ZNF280A: variants seen among roughly 807,000 people sequenced by gnomAD.
ZNF280A encodes the protein suppressor of hairy wing homolog 1.
In ZNF280A, 26 loss-of-function variants were observed where a neutral mutation model predicts 35.9. The observed-to-expected ratio is 0.72, with a 90% CI of 0.53 to 1.01. The LOEUF (loss-of-function observed/expected upper bound fraction) is 1.01, where lower values mean the gene tolerates loss of function less well. Ranked by LOEUF, ZNF280A falls within the 50% of genes least tolerant of loss-of-function variation. ZNF280A has a pLI of 0.00. For synonymous variants in ZNF280A, 231 were observed against 232.9 expected (o/e 0.99, Z 0.07); for missense variants, 654 against 652.0 (o/e 1.00, Z -0.03).
chr22:22,518,161 G>A (rs1358927131), intron 1 of ZNF280A, among the ~76,000 whole-genome samples: 5 of 151,808 alleles, frequency 3.3e-5, no homozygotes, highest in East Asian at 2.0e-4. Context: ...TCCTGACCTC[G>A]TGATCCGCCC....
intron 1 of ZNF280A, among the ~76,000 whole-genome samples, chr22:22,518,905 T>TGTCC (rs934441286): frequency 1.6e-4 from 24 of 151,982 alleles, no homozygotes; most frequent in African/African-American, 5.6e-4. Flanking sequence ...TTAGTGCTGT[T>TGTCC]GTCCATGGCT....
intron 1 of ZNF280A, among the ~76,000 whole-genome samples, chr22:22,516,886 C>G (rs959574401): frequency 6.6e-6 from 1 of 151,910 alleles, no homozygotes; most frequent in Non-Finnish European, 1.5e-5. Flanking sequence ...CCCATGGTTC[C>G]TCTTCAGCAA....
chr22:22,518,099 G>A (rs1248335378), intron 1 of ZNF280A, among the ~76,000 whole-genome samples: 1 of 151,684 alleles, frequency 6.6e-6, no homozygotes, highest in Non-Finnish European at 1.5e-5. Flanking sequence ...CTAATTTTTT[G>A]TATTTTTAGT....
chr22:22,515,514 A>C lies in ZNF280A; in HGVS notation c.117T>G (p.His39Gln). The C allele has an allele frequency of 6.2e-7, 1 of 1,613,882 alleles. No individual in the cohort carries two copies. Among genetic ancestry groups the C allele is most frequent in the Non-Finnish European group, 8.5e-7 (1 of 1,179,972 alleles). The change falls in exon 2 of 2, where the codon CAT (histidine) becomes CAG (glutamine). Residue 39 changes from histidine (H) to glutamine (Q), a missense_variant. Transcript: ENST00000302097. Reference sequence around the variant, plus strand: ...AGAGAACTTCAGCATCTCTATGTACATGCTCCACCCCAACATAGATCAGAT... The same window carrying C: ...AGAGAACTTCAGCATCTCTATGTACCTGCTCCACCCCAACATAGATCAGAT... ...DPDLIYVGVEHVHRDAEVLFV... is the reference protein window; with the variant it reads ...DPDLIYVGVEQVHRDAEVLFV...
chr22:22,514,852 C>T lies in ZNF280A; in HGVS notation c.779G>A (p.Ser260Asn). 6 of 1,613,886 alleles carry T rather than the reference C, an allele frequency of 3.7e-6. No homozygotes were observed. The highest frequency in any genetic ancestry group is 5.1e-6 in the Non-Finnish European group (6 of 1,179,990). The change falls in exon 2 of 2, where the codon AGT becomes AAT. Residue 260 changes from serine to asparagine, a missense_variant. Transcript: ENST00000302097. ...CTTGGGATCAAAGGTCTTGTTTTGACTTGCTAGACTTGAAATGTCTGTCAT... is the reference window on the plus strand; with the variant it reads ...CTTGGGATCAAAGGTCTTGTTTTGATTTGCTAGACTTGAAATGTCTGTCAT... ...LAMTDISSLA[S>N]QNKTFDPKKE...
In ZNF280A at chr22:22,514,946, G is replaced by T. The variant is rs141676669; in HGVS notation, c.685C>A (p.Pro229Thr). The change falls in exon 2 of 2, where the codon CCT (proline) becomes ACT (threonine). Residue 229 changes from proline (P) to threonine (T), a missense_variant. Coordinates refer to ENST00000302097, the MANE Select transcript of ZNF280A (RefSeq NM_080740.5). ...HVQNGVTFPW[P>T]DANGKAHFNL... ...AAATGTGCCTTTCCATTAGCATCAG[G>T]CCAAGGAAATGTTACTCCATTCTGA... 8.7e-6 allele frequency: 14 copies of T among 1,613,734 alleles called. No homozygotes were observed. In the African/African-American group the frequency reaches 1.9e-4, roughly 22 times the overall value.
chr22:22,518,222 GC>G (rs1460142412), intron 1 of ZNF280A, among the ~76,000 whole-genome samples: 1 of 151,686 alleles, frequency 6.6e-6, no homozygotes, highest in Admixed American at 6.6e-5. Context: ...ACTGTGCCCG[GC>G]CAATTGATGG....
chr22:22,514,529 T>C lies in ZNF280A; in HGVS notation c.1102A>G (p.Ile368Val), dbSNP rs571608171. The C allele has an allele frequency of 1.2e-6, 2 of 1,613,914 alleles. No individual in the cohort carries two copies. The highest frequency in any genetic ancestry group is 2.2e-5 in the South Asian group (2 of 91,076). The change falls in exon 2 of 2, where the codon ATC (isoleucine) becomes GTC (valine). Residue 368 changes from isoleucine to valine, a missense_variant. Coordinates refer to ENST00000302097, the MANE Select transcript of ZNF280A (RefSeq NM_080740.5). ...IAMGPSAVCK[I>V]CELSFETDQV... ...TCTGTTTCAAATGACAATTCACAGA[T>C]TTTACAGACAGCAGAGGGCCCCATG...
chr22:22,518,376 GT>G (rs1465694771), intron 1 of ZNF280A, among the ~76,000 whole-genome samples: 1 of 151,820 alleles, frequency 6.6e-6, no homozygotes, highest in African/African-American at 2.4e-5. Flanking sequence ...CCCTTCCCCT[GT>G]TTTTGTACAG....
intron 1 of ZNF280A, 109 bp downstream of exon 1, chr22:22,519,980 C>T (rs2062121418): frequency 6.6e-6 from 1 of 152,046 alleles, no homozygotes; most frequent in Non-Finnish European, 1.5e-5. Flanking sequence ...GTAGTTGAAG[C>T]AGAGAATTGC....
rs361580 is a variant in ZNF280A at position 22,515,221 on chromosome 22, G to T, written c.410C>A (p.Ser137Tyr). 560,182 of 1,612,924 alleles carry T rather than the reference G, an allele frequency of 0.35. 106,114 individuals are homozygous for T. The highest frequency in any genetic ancestry group is 0.7 in the African/African-American group (52,364 of 74,598). ...MSSPQVVSPS[S>Y]SDSLPPGTQC... ...AGTCCCTGGGGGGAGCGAGTCTGAG[G>T]AACTGGGAGAAACAACTTGTGGTGA... The change falls in exon 2 of 2, where the codon TCC becomes TAC. Residue 137 changes from serine to tyrosine, a missense_variant. Ser to Tyr is a moderately radical substitution (Grantham distance 144, BLOSUM62 -2). Transcript: ENST00000302097.
Position 22,515,563 on chromosome 22 carries a change from CTTTG to C in ZNF280A, c.64_67del (p.Gln22GlyfsTer10), listed in dbSNP as rs747244755. 8 of 1,611,894 alleles carry C rather than the reference CTTTG, an allele frequency of 5.0e-6. No homozygotes were observed. The East Asian group carries it at 1.3e-4, about 27-fold the overall frequency. On this transcript the variant is annotated frameshift_variant, in exon 2 of 2. Coordinates refer to ENST00000302097, the MANE Select transcript of ZNF280A (RefSeq NM_080740.5). LOFTEE classifies it high-confidence loss of function. ...ATCTGGATCTTCATCATCCTCCTCCCTTTGTTTGGATTCTCTCAAATTCTTCTTT... is the reference window on the plus strand; with the variant it reads ...ATCTGGATCTTCATCATCCTCCTCCCTTTGGATTCTCTCAAATTCTTCTTT...
In ZNF280A at chr22:22,515,005, G is replaced by A. The variant is rs762819261; in HGVS notation, c.626C>T (p.Pro209Leu). The change falls in exon 2 of 2, where the codon CCC becomes CTC. Residue 209 changes from proline (P) to leucine (L), a missense_variant. Pro to Leu is a moderately conservative substitution (Grantham distance 98). Coordinates refer to ENST00000302097, the MANE Select transcript of ZNF280A (RefSeq NM_080740.5). ...TGATGAGTTGCAGATCCCCTGTGAGGGTGTATTTGTGCTTATTGTAGAAGA... is the reference window on the plus strand; with the variant it reads ...TGATGAGTTGCAGATCCCCTGTGAGAGTGTATTTGTGCTTATTGTAGAAGA... Reference protein sequence around the residue: ...DMSSTISTNTPSQGICNSSNH... With the variant: ...DMSSTISTNTLSQGICNSSNH... 3 of 1,613,832 alleles carry A rather than the reference G, an allele frequency of 1.9e-6. No individual in the cohort carries two copies. In the East Asian group the frequency reaches 6.7e-5, roughly 36 times the overall value.
At position 22,514,088 on chromosome 22, in the gene ZNF280A, G is replaced by A. The variant is rs2146892199; in HGVS notation, c.1543C>T (p.Pro515Ser). 6.2e-7 allele frequency: 1 copy of A among 1,613,836 alleles called. No individual in the cohort carries two copies. The highest frequency in any genetic ancestry group is 8.5e-7 in the Non-Finnish European group (1 of 1,179,940). The change falls in exon 2 of 2, where the codon CCT (proline) becomes TCT (serine). Residue 515 changes from proline to serine, a missense_variant. Transcript: ENST00000302097. ...MASVIVSNTD[P>S]QSSPVKTKKK... ...TTAGTTTTTACAGGAGAAGACTGAG[G>A]GTCAGTGTTGCTAACAATAACGGAA...
chr22:22,514,943 C>T lies in ZNF280A; in HGVS notation c.688G>A (p.Asp230Asn), dbSNP rs866221416. 3 of 1,613,876 alleles carry T rather than the reference C, an allele frequency of 1.9e-6. No homozygotes were observed. Among genetic ancestry groups the T allele is most frequent in the Non-Finnish European group, 2.5e-6 (3 of 1,179,974 alleles). ...VQNGVTFPWP[D>N]ANGKAHFNLT... ...TTGAAATGTGCCTTTCCATTAGCATCAGGCCAAGGAAATGTTACTCCATTC... is the reference window on the plus strand; with the variant it reads ...TTGAAATGTGCCTTTCCATTAGCATTAGGCCAAGGAAATGTTACTCCATTC... The change falls in exon 2 of 2, where the codon GAT (aspartate) becomes AAT (asparagine). Residue 230 changes from aspartate to asparagine, a missense_variant. Coordinates refer to ENST00000302097, the MANE Select transcript of ZNF280A (RefSeq NM_080740.5).
intron 1 of ZNF280A, 128 bp from the exon 2 acceptor site, chr22:22,515,829 T>C (rs2062063008): frequency 3.8e-5 from 32 of 833,164 alleles, no homozygotes; most frequent in Middle Eastern, 7.9e-4. Context: ...AAATGAGGCT[T>C]GAAACATTTT....
intron 1 of ZNF280A, among the ~76,000 whole-genome samples, chr22:22,517,956 G>C (rs1415111401): frequency 2.2e-5 from 3 of 135,546 alleles, no homozygotes; most frequent in Non-Finnish European, 4.6e-5. Flanking sequence ...ATGGAGTCTC[G>C]CTCTGTCGCC....
In ZNF280A at chr22:22,515,008, G is replaced by T. The variant is rs767591649; in HGVS notation, c.623C>A (p.Thr208Lys). 1 of 1,613,912 alleles carries T rather than the reference G, an allele frequency of 6.2e-7. No homozygotes were observed. The highest frequency in any genetic ancestry group is 2.2e-5 in the East Asian group (1 of 44,794). Residue 208 changes from threonine to lysine, a missense_variant, in exon 2 of 2, where the codon ACA becomes AAA. Coordinates refer to ENST00000302097, the MANE Select transcript of ZNF280A (RefSeq NM_080740.5). Reference protein sequence around the residue: ...SDMSSTISTNTPSQGICNSSN... With the variant: ...SDMSSTISTNKPSQGICNSSN... ...TGAGTTGCAGATCCCCTGTGAGGGT[G>T]TATTTGTGCTTATTGTAGAAGACAT...
In ZNF280A at chr22:22,513,976, C is replaced by T. The variant is rs771683710; in HGVS notation, c.*26G>A. The T allele has an allele frequency of 1.5e-6, 2 of 1,332,376 alleles. No individual in the cohort carries two copies. Among genetic ancestry groups the T allele is most frequent in the South Asian group, 1.3e-5 (1 of 75,872 alleles). The allele number at this position is 1,332,376 out of a possible 1,614,324, so 82.5% of individuals were successfully genotyped here. A position where few individuals can be genotyped will look rare whatever the true frequency, so the allele number is the denominator to read the frequency against. The stretch of plus-strand genomic sequence containing the variant: ...CTAGCCTCACTTCTGCCTTTCGGAA[C>T]TCCTGGAAGTCAGTCGAACATATTT... On this transcript the variant is annotated 3_prime_UTR_variant, in exon 2 of 2. Transcript: ENST00000302097.
Sources: allele counts gnomAD v4.1 joint callset (sites outside exome capture counted in the v4.1 genomes callset), GRCh38; gene constraint gnomAD v4.1.1; transcripts MANE v1.5; gene names NCBI Gene and HGNC (gene_info 2026-07-23, HGNC 2026-07-21).